The following SPTLC1 variants were observed in gnomAD, a reference collection of about 807,000 sequenced individuals.
SPTLC1 encodes the protein serine palmitoyltransferase long chain base subunit 1, also known as serine palmitoyltransferase 1.
In SPTLC1, 55 loss-of-function variants were observed where a neutral mutation model predicts 68.9. That is an observed-to-expected ratio of 0.80 (90% confidence interval 0.64 to 1.00). SPTLC1 has a LOEUF of 1.00. Ranked by LOEUF, SPTLC1 falls within the 50% of genes least tolerant of loss-of-function variation. SPTLC1 has a pLI of 0.00. For missense variants in SPTLC1, 449 were observed against 573.1 expected (o/e 0.78, Z 2.21); for synonymous variants, 197 against 201.6 (o/e 0.98, Z 0.19).
At position 92,064,132 on chromosome 9, in the gene SPTLC1, A is replaced by G. The variant is rs577050627; in HGVS notation, c.560+3834T>C. ...AGAAAAACAGTTCCTAGAGCTAATT[A>G]AGTGAGTTTGGCAAGGTTGCAGGAT... is the stretch of plus-strand genomic sequence containing the variant. On this transcript the variant is annotated intron_variant, in intron 6 of 14. Transcript: ENST00000262554. Among the ~76,000 whole-genome samples the G allele has an allele frequency of 3.3e-5, 5 of 152,350 alleles. No individual in the cohort carries two copies. In the South Asian group the frequency reaches 1.0e-3, roughly 32 times the overall value.
intron 11 of SPTLC1, chr9:92,046,314 C>CCTG: frequency 2.1e-6 from 1 of 486,924 alleles, no homozygotes; most frequent in Non-Finnish European, 3.7e-6. Flanking sequence ...GCCTCTTGTT[C>CCTG]TCATCAAGAT....
chr9:92,099,151 A>G (rs1288408236), intron 3 of SPTLC1, among the ~76,000 whole-genome samples: 2 of 152,158 alleles, frequency 1.3e-5, no homozygotes, highest in Non-Finnish European at 2.9e-5. Context: ...CTATATCTGA[A>G]CTCTGCCAGA....
intron 8 of SPTLC1, chr9:92,051,235 G>A (rs1269620403): frequency 1.0e-6 from 1 of 983,384 alleles, no homozygotes; most frequent in Non-Finnish European, 1.2e-6. Context: ...AACAACATAT[G>A]GAACCCTTAT....
At chr9:92,072,182 C>T (rs1016270303) in intron 5 of SPTLC1, among the ~76,000 whole-genome samples, 1 of 152,028 alleles carries the variant, frequency 6.6e-6, no homozygotes, top group Non-Finnish European at 1.5e-5. Flanking sequence ...AGACCTCTCC[C>T]CTATCCTCCC....
chr9:92,085,708 T>C (rs1587579611), intron 3 of SPTLC1, among the ~76,000 whole-genome samples: 1 of 152,034 alleles, frequency 6.6e-6, no homozygotes, highest in African/African-American at 2.4e-5. Context: ...CTGAAAAAAA[T>C]GTATATTCTG....
chr9:92,050,417 G>A (rs1833666890), intron 8 of SPTLC1: 1 of 299,836 alleles, frequency 3.3e-6, no homozygotes, highest in African/African-American at 2.2e-5. Context: ...CTTTTTGTTG[G>A]TGATTTTGCT....
At chr9:92,053,877 G>A in intron 8 of SPTLC1, 1 of 801,252 alleles carries the variant, frequency 1.2e-6, no homozygotes, top group Non-Finnish European at 1.5e-6. Flanking sequence ...AAATGTCACT[G>A]TCCTGTACAA....
chr9:92,094,835 G>A (rs534801761), intron 3 of SPTLC1, among the ~76,000 whole-genome samples: 1 of 152,282 alleles, frequency 6.6e-6, no homozygotes, highest in Non-Finnish European at 1.5e-5. Context: ...GACCAGCAGG[G>A]CATACACTTC....
intron 3 of SPTLC1, among the ~76,000 whole-genome samples, chr9:92,092,745 A>G (rs1835409552): frequency 6.6e-6 from 1 of 152,114 alleles, no homozygotes; most frequent in Admixed American, 6.6e-5. Flanking sequence ...CCTCCCCCCA[A>G]AAAAAGTATA....
chr9:92,063,790 T>C (rs1380605160), intron 6 of SPTLC1, among the ~76,000 whole-genome samples: 2 of 152,102 alleles, frequency 1.3e-5, no homozygotes, highest in Admixed American at 1.3e-4. Flanking sequence ...GAAAAAGTAG[T>C]TGACCAACCA....
At position 92,108,777 on chromosome 9, in the gene SPTLC1, T is replaced by C; in HGVS notation, c.223A>G (p.Lys75Glu). The change falls in exon 3 of 15, where the codon AAA becomes GAA. Residue 75 changes from lysine (K) to glutamate (E), a missense_variant. Physicochemically the swap from Lys to Glu is moderately conservative, Grantham distance 56. This residue lies in a region of SPTLC1 where 12 missense variants were observed against 43.2 expected (regional missense o/e 0.28). Transcript: ENST00000262554. The part of the protein sequence containing the change: ...QPEPLVPPVP[K>E]DHPALNYNIV... ...TTGTAGTTGAGAGCAGGATGGTCTT[T>C]TGGGACAGGAGGAACAAGAGGTTCT... The C allele has an allele frequency of 3.7e-6, 6 of 1,606,596 alleles. No individual in the cohort carries two copies. The highest frequency in any genetic ancestry group is 5.1e-6 in the Non-Finnish European group (6 of 1,176,086).
intron 3 of SPTLC1, among the ~76,000 whole-genome samples, chr9:92,087,629 C>A (rs565082992): frequency 6.6e-6 from 1 of 152,156 alleles, no homozygotes; most frequent in Admixed American, 6.6e-5. Context: ...AGTACCCAGC[C>A]GTGTGAGGTG....
intron 6 of SPTLC1, among the ~76,000 whole-genome samples, chr9:92,060,145 TG>T (rs1350699703): frequency 3.3e-5 from 5 of 152,152 alleles, no homozygotes; most frequent in Non-Finnish European, 7.3e-5. Context: ...GCCCCTGAAT[TG>T]TTCCTCCTCC....
chr9:92,086,499 C>T (rs1386753913), intron 3 of SPTLC1, among the ~76,000 whole-genome samples: 27 of 151,578 alleles, frequency 1.8e-4, no homozygotes, highest in Non-Finnish European at 2.4e-4. Flanking sequence ...CCTTCACTTA[C>T]GAAGCTTAGT....
chr9:92,046,976 A>G (rs771548488), intron 11 of SPTLC1, among the ~76,000 whole-genome samples, 196 bp downstream of exon 11: 5 of 152,214 alleles, frequency 3.3e-5, no homozygotes, highest in Non-Finnish European at 5.9e-5. Flanking sequence ...TCTGGCCCCA[A>G]GCACAGGAGA....
chr9:92,108,630 A>G lies in SPTLC1; in HGVS notation c.260+110T>C, dbSNP rs552890208. 5.6e-4 allele frequency: 859 copies of G among 1,535,930 alleles called. 1 individual carries two copies. The highest frequency in any genetic ancestry group is 7.0e-4 in the Non-Finnish European group (789 of 1,120,726). ...TAAAGCTGTTACTCCTGGGAACTTC[A>G]AAATGTTTTGTTTCAGATAAAAAAA... On this transcript the variant is annotated intron_variant, in intron 3 of 14. Coordinates refer to ENST00000262554, the MANE Select transcript of SPTLC1 (RefSeq NM_006415.4).
At chr9:92,115,270 C>T (rs766555494) in intron 1 of SPTLC1, 44 bp downstream of exon 1, 1 of 1,603,078 alleles carries the variant, frequency 6.2e-7, no homozygotes. Context: ...CCACCCTCCC[C>T]GGGCCCGGGT....
intron 6 of SPTLC1, among the ~76,000 whole-genome samples, chr9:92,059,599 TTTTCTC>T (rs1403104077): frequency 6.6e-6 from 1 of 152,210 alleles, no homozygotes; most frequent in African/African-American, 2.4e-5. Context: ...ATTCACATAC[TTTTCTC>T]TTTCTAAGAA....
At position 92,057,229 on chromosome 9, in the gene SPTLC1, T is replaced by G. The variant is rs369492329; in HGVS notation, c.691-1735A>C. On this transcript the variant is annotated intron_variant, in intron 7 of 14. Coordinates refer to ENST00000262554, the MANE Select transcript of SPTLC1 (RefSeq NM_006415.4). The stretch of plus-strand genomic sequence containing the variant: ...AATGGAGACGTTCTGCCTGTGAGTA[T>G]ACCATAAACTACTTATTTCCCTAAT... 1.0e-3 allele frequency among the ~76,000 whole-genome samples: 156 copies of G among 152,352 alleles called. 5 individuals are homozygous for G. In the South Asian group the frequency reaches 0.029, roughly 29 times the overall value.
Sources: gnomAD v4.1 joint callset for allele counts (sites outside exome capture counted in the v4.1 genomes callset) on GRCh38, gnomAD v4.1.1 for gene constraint, gnomAD v4.1.1 regional missense constraint, MANE v1.5 for transcripts, NCBI Gene and HGNC (gene_info 2026-07-23, HGNC 2026-07-21) for gene names.